KLHL29: variants seen among roughly 807,000 people sequenced by gnomAD.
KLHL29 encodes kelch like family member 29, also known as kelch-like protein 29.
Under a neutral mutation model 80.4 loss-of-function variants are expected in KLHL29, and 21 were observed. The ratio of observed to expected loss-of-function variants is 0.26; its 90% CI spans 0.19 to 0.38. The LOEUF is 0.38. Ranked by LOEUF, KLHL29 falls within the 10% of genes least tolerant of loss-of-function variation. KLHL29 has a pLI of 1.00. For synonymous variants in KLHL29, 511 were observed against 526.8 expected, an observed-to-expected ratio of 0.97 and a Z score of 0.41; for missense variants, 867 against 1,223.9, an observed-to-expected ratio of 0.71 and a Z score of 4.35.
At chr2:23,523,136 C>T (rs956263426) in intron 2 of KLHL29, among the ~76,000 whole-genome samples, 3 of 152,184 alleles carry the variant, frequency 2.0e-5, no homozygotes, top group Non-Finnish European at 4.4e-5. Flanking sequence ...TCTTTACCAG[C>T]ACCAGTGTGC....
intron 2 of KLHL29, among the ~76,000 whole-genome samples, chr2:23,499,311 G>A (rs1341945805): frequency 6.6e-6 from 1 of 152,080 alleles, no homozygotes; most frequent in Non-Finnish European, 1.5e-5. Context: ...CCTTCTTTGG[G>A]GTGACTGGAG....
At chr2:23,554,522 G>A (rs553849073) in intron 2 of KLHL29, among the ~76,000 whole-genome samples, 4 of 152,190 alleles carry the variant, frequency 2.6e-5, no homozygotes, top group Non-Finnish European at 5.9e-5. Context: ...TGATAGGAAC[G>A]AGGAAAGGGT....
intron 1 of KLHL29, among the ~76,000 whole-genome samples, chr2:23,411,756 G>A (rs569540318): frequency 1.4e-4 from 21 of 152,282 alleles, no homozygotes; most frequent in African/African-American, 5.1e-4. Context: ...AGCATCAGTA[G>A]CATTGAAAGA....
intron 8 of KLHL29, among the ~76,000 whole-genome samples, chr2:23,694,573 G>A (rs1343679208): frequency 6.6e-6 from 1 of 152,202 alleles, no homozygotes; most frequent in Non-Finnish European, 1.5e-5. Context: ...TGTTGAGCAT[G>A]AGCATGAGCT....
At chr2:23,501,662 T>C (rs1290749373) in intron 2 of KLHL29, among the ~76,000 whole-genome samples, 1 of 152,208 alleles carries the variant, frequency 6.6e-6, no homozygotes, top group Non-Finnish European at 1.5e-5. Context: ...ACTGTTACTG[T>C]TTTTATCTGG....
At chr2:23,419,162 G>C (rs992926886) in intron 1 of KLHL29, among the ~76,000 whole-genome samples, 1 of 152,176 alleles carries the variant, frequency 6.6e-6, no homozygotes, top group Admixed American at 6.5e-5. Flanking sequence ...TGCCAGACCA[G>C]TATGATTTTT....
chr2:23,404,306 A>G (rs189757457), intron 1 of KLHL29, among the ~76,000 whole-genome samples: 36 of 152,308 alleles, frequency 2.4e-4, no homozygotes, highest in African/African-American at 8.4e-4. Context: ...CAAATCGTAC[A>G]AAAATTTAGA....
chr2:23,691,467 G>C, intron 6 of KLHL29: 1 of 598,154 alleles, frequency 1.7e-6, no homozygotes, highest in Non-Finnish European at 3.0e-6. Flanking sequence ...TGATAAGCAG[G>C]GTTTTCTGTT....
intron 1 of KLHL29, among the ~76,000 whole-genome samples, chr2:23,461,910 C>T (rs899678290): frequency 6.6e-6 from 1 of 151,004 alleles, no homozygotes; most frequent in African/African-American, 2.4e-5. Context: ...ACTGATGGCC[C>T]CTAGGGAGAG....
chr2:23,488,767 G>A (rs1191889521), intron 2 of KLHL29, among the ~76,000 whole-genome samples: 1 of 152,166 alleles, frequency 6.6e-6, no homozygotes, highest in Non-Finnish European at 1.5e-5. Context: ...GGCCACAAGT[G>A]GGCCACACAT....
intron 1 of KLHL29, among the ~76,000 whole-genome samples, chr2:23,452,200 T>C: frequency 6.6e-6 from 1 of 151,692 alleles, no homozygotes. Flanking sequence ...TCTTTTTTTT[T>C]TTTTAGAGAT....
intron 2 of KLHL29, chr2:23,532,677 C>T: frequency 2.2e-6 from 1 of 456,332 alleles, no homozygotes; most frequent in South Asian, 1.5e-5. Flanking sequence ...CACTAGAGGC[C>T]TGTGGTTTGG....
chr2:23,402,290 G>T (rs1179747814), intron 1 of KLHL29, among the ~76,000 whole-genome samples: 1 of 152,244 alleles, frequency 6.6e-6, no homozygotes, highest in East Asian at 1.9e-4. Context: ...ATGGAAATAA[G>T]GGTGATTTCC....
At chr2:23,517,268 G>A (rs1665962972) in intron 2 of KLHL29, among the ~76,000 whole-genome samples, 3 of 152,234 alleles carry the variant, frequency 2.0e-5, no homozygotes, top group South Asian at 4.1e-4. Flanking sequence ...AACTAGGCTG[G>A]GCGCGGTGGC....
intron 2 of KLHL29, among the ~76,000 whole-genome samples, chr2:23,544,260 A>C (rs1666925838): frequency 6.6e-6 from 1 of 152,142 alleles, no homozygotes; most frequent in African/African-American, 2.4e-5. Context: ...ACGGAGCCCT[A>C]CCAGAGGCCG....
intron 3 of KLHL29, among the ~76,000 whole-genome samples, chr2:23,633,756 CGT>C (rs1181808728): frequency 7.5e-4 from 111 of 147,220 alleles, no homozygotes; most frequent in South Asian, 2.0e-3. Flanking sequence ...TCACAGCACT[CGT>C]GTGTGTGTGT....
At chr2:23,578,788 G>T (rs570209388) in intron 3 of KLHL29, among the ~76,000 whole-genome samples, 77 of 152,284 alleles carry the variant, frequency 5.1e-4, no homozygotes, top group Admixed American at 1.0e-3. Flanking sequence ...CTTTTCCACG[G>T]TCGTATATTC....
intron 2 of KLHL29, among the ~76,000 whole-genome samples, chr2:23,551,364 A>C (rs62125426): frequency 6.6e-5 from 10 of 152,304 alleles, no homozygotes; most frequent in Middle Eastern, 3.4e-3. Context: ...AAATCACTAC[A>C]TCAAAACCCA....
At chr2:23,548,995 C>T (rs1667055321) in intron 2 of KLHL29, among the ~76,000 whole-genome samples, 1 of 152,218 alleles carries the variant, frequency 6.6e-6, no homozygotes. Flanking sequence ...CCTGCCTCCC[C>T]AAGCTGCTGG....
Sources: gnomAD v4.1 joint callset for allele counts (sites outside exome capture counted in the v4.1 genomes callset) on GRCh38, gnomAD v4.1.1 for gene constraint, MANE v1.5 for transcripts, NCBI Gene and HGNC (gene_info 2026-07-23, HGNC 2026-07-21) for gene names.